Variants in DSCAM observed in about 807,000 individuals in gnomAD.
DSCAM encodes the protein cell adhesion molecule DSCAM.
In DSCAM, 47 loss-of-function variants were observed where a neutral mutation model predicts 217.7. That is an observed-to-expected ratio of 0.22 (90% CI 0.17 to 0.28). The LOEUF (loss-of-function observed/expected upper bound fraction) is 0.28, where lower values mean the gene tolerates loss of function less well. DSCAM is among the 10% of genes least tolerant of loss of function. The pLI, the probability that DSCAM is intolerant of heterozygous loss-of-function variation, is 1.00. For missense variants in DSCAM, 2,080 were observed against 2,618.3 expected, an observed-to-expected ratio of 0.79 and a Z score of 4.49; for synonymous variants, 1,056 against 1,015.3, an observed-to-expected ratio of 1.04 and a Z score of -0.76.
chr21:40,800,555 A>C (rs2091730489), intron 1 of DSCAM, among the ~76,000 whole-genome samples: 1 of 152,194 alleles, frequency 6.6e-6, no homozygotes, highest in South Asian at 2.1e-4. Flanking sequence ...ACTGAAAAAC[A>C]AGGTATTGAA....
chr21:40,421,901 G>T (rs1324969929), intron 3 of DSCAM, among the ~76,000 whole-genome samples: 1 of 152,240 alleles, frequency 6.6e-6, no homozygotes, highest in East Asian at 1.9e-4. Flanking sequence ...CCAACCTTGA[G>T]AAATGTCCTA....
intron 1 of DSCAM, among the ~76,000 whole-genome samples, chr21:40,765,887 T>G (rs996147280): frequency 6.6e-6 from 1 of 152,192 alleles, no homozygotes; most frequent in African/African-American, 2.4e-5. Context: ...ATCTCACATG[T>G]GGCTGGTCAG....
chr21:40,049,339 C>A (rs569164690), intron 30 of DSCAM, among the ~76,000 whole-genome samples: 3 of 152,186 alleles, frequency 2.0e-5, no homozygotes, highest in South Asian at 4.2e-4. Flanking sequence ...CCTCATCATG[C>A]GGGGAACCTT....
Position 40,627,014 on chromosome 21 carries a change from C to T in DSCAM, c.508+65796G>A, listed in dbSNP as rs574868922. 9.9e-5 allele frequency among the ~76,000 whole-genome samples: 15 copies of T among 152,268 alleles called. 1 individual carries two copies. The South Asian group carries it at 2.7e-3, about 27-fold the overall frequency. On this transcript the variant is annotated intron_variant, in intron 3 of 32. Transcript: ENST00000400454. ...GGGAATCTGGTTTCCATATGCTCAG[C>T]CTACTAGGAAGGGAGAAAGAGCTCC... is the stretch of plus-strand genomic sequence containing the variant.
At chr21:40,791,705 A>G (rs567002594) in intron 1 of DSCAM, among the ~76,000 whole-genome samples, 24 of 152,310 alleles carry the variant, frequency 1.6e-4, no homozygotes, top group African/African-American at 5.3e-4. Context: ...TAGTTCTTGG[A>G]GTCGAGACAC....
intron 3 of DSCAM, among the ~76,000 whole-genome samples, chr21:40,690,882 G>A (rs1158270106): frequency 6.6e-6 from 1 of 152,080 alleles, no homozygotes; most frequent in Non-Finnish European, 1.5e-5. Flanking sequence ...GCTGAATGAT[G>A]AGAACACAGG....
intron 10 of DSCAM, among the ~76,000 whole-genome samples, chr21:40,293,611 G>A (rs907324523): frequency 2.8e-4 from 43 of 152,140 alleles, no homozygotes; most frequent in Admixed American, 2.0e-3. Flanking sequence ...AAAAAGTCAC[G>A]GAGTTCAAGG....
chr21:40,410,840 ACC>A (rs2075316390), intron 3 of DSCAM, among the ~76,000 whole-genome samples: 1 of 152,168 alleles, frequency 6.6e-6, no homozygotes, highest in Admixed American at 6.5e-5. Flanking sequence ...TTGCCCACAG[ACC>A]TGCACTAAAC....
chr21:40,423,477 C>T (rs1444013804), intron 3 of DSCAM, among the ~76,000 whole-genome samples: 1 of 152,178 alleles, frequency 6.6e-6, no homozygotes, highest in Non-Finnish European at 1.5e-5. Context: ...AGCGAAGAGT[C>T]ATGGGAAAGG....
chr21:40,127,946 C>T (rs1054648415), intron 19 of DSCAM, among the ~76,000 whole-genome samples: 1 of 152,052 alleles, frequency 6.6e-6, no homozygotes, highest in African/African-American at 2.4e-5. Flanking sequence ...CTTGGGATGC[C>T]TCTGTCTGGA....
At chr21:40,102,748 G>A (rs1004227998) in intron 20 of DSCAM, among the ~76,000 whole-genome samples, 8 of 152,038 alleles carry the variant, frequency 5.3e-5, no homozygotes, top group African/African-American at 1.2e-4. Flanking sequence ...ATTCATTTCC[G>A]AACCCCTCAC....
rs373414366 is a variant in DSCAM, at chr21:40,828,400, C to T, written c.43+18219G>A. 2.8e-3 allele frequency among the ~76,000 whole-genome samples: 429 copies of T among 152,154 alleles called. 3 individuals are homozygous for T. Among genetic ancestry groups the T allele is most frequent in the African/African-American group, 9.7e-3 (402 of 41,488 alleles). On this transcript the variant is annotated intron_variant, in intron 1 of 32. Transcript: ENST00000400454. ...TCATGTGTATGGGTCTGGTGTGGGA[C>T]CTGAGATTAAGGTTCCATATTGTGT...
chr21:40,066,484 T>G (rs1421482186), intron 27 of DSCAM, among the ~76,000 whole-genome samples: 11 of 152,232 alleles, frequency 7.2e-5, no homozygotes, highest in Admixed American at 7.2e-4. Flanking sequence ...ATCTCTTCTT[T>G]GAAAGGTTTG....
intron 1 of DSCAM, among the ~76,000 whole-genome samples, chr21:40,821,038 C>T (rs1307997791): frequency 1.3e-5 from 2 of 148,560 alleles, no homozygotes; most frequent in Non-Finnish European, 3.0e-5. Context: ...ATATATATAT[C>T]TTCACATATA....
intron 15 of DSCAM, among the ~76,000 whole-genome samples, chr21:40,171,570 TAAA>T (rs1389834089): frequency 2.2e-4 from 27 of 124,042 alleles, no homozygotes; most frequent in Admixed American, 4.9e-4. Context: ...TCCCTCCTCC[TAAA>T]AAAAAAAAAA....
At chr21:40,633,240 C>T (rs1040761226) in intron 3 of DSCAM, among the ~76,000 whole-genome samples, 21 of 152,104 alleles carry the variant, frequency 1.4e-4, no homozygotes, top group African/African-American at 4.1e-4. Context: ...CAGTCTGAAA[C>T]GACTTTTTCT....
intron 15 of DSCAM, among the ~76,000 whole-genome samples, chr21:40,177,175 G>C (rs1336604119): frequency 6.6e-6 from 1 of 152,132 alleles, no homozygotes; most frequent in Non-Finnish European, 1.5e-5. Context: ...GGAAGTTAGT[G>C]GGTTGTTTAC....
At chr21:40,502,132 T>G (rs1378717663) in intron 3 of DSCAM, among the ~76,000 whole-genome samples, 1 of 152,182 alleles carries the variant, frequency 6.6e-6, no homozygotes, top group Non-Finnish European at 1.5e-5. Flanking sequence ...TGTTTTAAAA[T>G]TATTAATATA....
chr21:40,576,661 C>T (rs1374808539), intron 3 of DSCAM, among the ~76,000 whole-genome samples: 1 of 151,974 alleles, frequency 6.6e-6, no homozygotes, highest in African/African-American at 2.4e-5. Context: ...ACACCTGCAA[C>T]ATCTAAAATC....
Sources: gnomAD v4.1 joint callset for allele counts (sites outside exome capture counted in the v4.1 genomes callset) on GRCh38, gnomAD v4.1.1 for gene constraint, MANE v1.5 for transcripts, NCBI Gene and HGNC (gene_info 2026-07-23, HGNC 2026-07-21) for gene names.